FRK: variants seen among roughly 807,000 people sequenced by gnomAD.
The protein encoded by FRK is fyn related Src family tyrosine kinase.
FRK carries 51 observed loss-of-function variants against 56.4 expected under a neutral mutation model. That is an observed-to-expected ratio of 0.90 (90% CI 0.72 to 1.14). The LOEUF (loss-of-function observed/expected upper bound fraction) is 1.14. Ranked by LOEUF, FRK falls within the 50% of genes most tolerant of loss-of-function variation. The pLI is 0.00. For missense variants in FRK, 570 were observed against 601.4 expected, an observed-to-expected ratio of 0.95 and a Z score of 0.55; for synonymous variants, 245 against 217.9, an observed-to-expected ratio of 1.12 and a Z score of -1.10.
intron 2 of FRK, among the ~76,000 whole-genome samples, chr6:116,000,727 C>T (rs2114687152): frequency 6.6e-6 from 1 of 152,174 alleles, no homozygotes; most frequent in Admixed American, 6.5e-5. Context: ...GATTTTTCTT[C>T]CTCTGAATAT....
chr6:116,064,262 G>A (rs1443566275), upstream of FRK, among the ~76,000 whole-genome samples: 1 of 152,122 alleles, frequency 6.6e-6, no homozygotes, highest in African/African-American at 2.4e-5. Context: ...ATAGATGAAA[G>A]GCCTCTATGC....
At chr6:116,028,639 C>A (rs1252126734) in intron 1 of FRK, among the ~76,000 whole-genome samples, 1 of 152,138 alleles carries the variant, frequency 6.6e-6, no homozygotes, top group East Asian at 1.9e-4. Flanking sequence ...ATCTCTGCCT[C>A]ACATTCACAT....
At chr6:116,047,968 G>A (rs934012397) in intron 1 of FRK, among the ~76,000 whole-genome samples, 4 of 152,190 alleles carry the variant, frequency 2.6e-5, no homozygotes, top group Non-Finnish European at 5.9e-5. Flanking sequence ...CAAAAAGATG[G>A]GACAGTTACT....
intron 1 of FRK, chr6:116,038,805 G>T (rs753218647): frequency 6.0e-6 from 3 of 502,568 alleles, no homozygotes; most frequent in Admixed American, 2.4e-5. Flanking sequence ...ATGAACCGAC[G>T]GAAGAAGAGC....
intron 2 of FRK, among the ~76,000 whole-genome samples, chr6:115,994,681 T>G (rs1774767746): frequency 6.6e-6 from 1 of 152,230 alleles, no homozygotes; most frequent in Non-Finnish European, 1.5e-5. Context: ...AATCTCAATG[T>G]GATGGTGTTT....
the FRK span, among the ~76,000 whole-genome samples, chr6:116,097,380 AG>A: frequency 2.0e-4 from 31 of 152,214 alleles, no homozygotes; most frequent in African/African-American, 7.5e-4. Context: ...TTATACAAAA[AG>A]TTGAACATAC....
At chr6:116,067,202 C>T in the FRK span, among the ~76,000 whole-genome samples, 1 of 152,054 alleles carries the variant, frequency 6.6e-6, no homozygotes, top group Non-Finnish European at 1.5e-5. Context: ...CAGCAAACAC[C>T]AGCAGCTAAA....
At chr6:116,058,504 A>T (rs910823017) in intron 1 of FRK, among the ~76,000 whole-genome samples, 1 of 152,214 alleles carries the variant, frequency 6.6e-6, no homozygotes, top group Non-Finnish European at 1.5e-5. Context: ...GCTATTTATT[A>T]TTATCTTATT....
chr6:115,958,908 T>C (rs1053413091), intron 4 of FRK, among the ~76,000 whole-genome samples: 5 of 152,118 alleles, frequency 3.3e-5, no homozygotes, highest in African/African-American at 1.2e-4. Context: ...GTTGTGTGGC[T>C]ATCAGATTCA....
At chr6:115,961,341 G>C (rs1361368055) in intron 4 of FRK, among the ~76,000 whole-genome samples, 7 of 116,108 alleles carry the variant, frequency 6.0e-5, no homozygotes, top group African/African-American at 2.3e-4. Flanking sequence ...GGGAAGTTTA[G>C]AGAAAAAAGA....
At chr6:116,032,964 AG>A (rs1367883880) in intron 1 of FRK, among the ~76,000 whole-genome samples, 2 of 152,142 alleles carry the variant, frequency 1.3e-5, no homozygotes, top group Non-Finnish European at 2.9e-5. Flanking sequence ...AATGCAATCA[AG>A]GGTTGTGAAA....
intron 2 of FRK, among the ~76,000 whole-genome samples, chr6:115,979,925 C>T (rs1774133857): frequency 6.6e-6 from 1 of 152,052 alleles, no homozygotes; most frequent in African/African-American, 2.4e-5. Flanking sequence ...ACAATGGACT[C>T]ACCTAATGGC....
chr6:115,971,377 T>C (rs934772802), intron 2 of FRK, among the ~76,000 whole-genome samples: 8 of 152,152 alleles, frequency 5.3e-5, no homozygotes, highest in Non-Finnish European at 1.0e-4. Context: ...ACTTGCACTA[T>C]AGGAGTATTT....
At chr6:116,055,656 T>G (rs1489037207) in intron 1 of FRK, among the ~76,000 whole-genome samples, 1 of 152,196 alleles carries the variant, frequency 6.6e-6, no homozygotes, top group African/African-American at 2.4e-5. Context: ...TTTCTTAACA[T>G]AAAGCCAAAT....
intron 1 of FRK, among the ~76,000 whole-genome samples, chr6:116,056,271 G>A (rs1239885879): frequency 1.3e-5 from 2 of 150,132 alleles, no homozygotes; most frequent in Non-Finnish European, 2.9e-5. Flanking sequence ...CTGGAGTGCA[G>A]TGGCACAACC....
the FRK span, among the ~76,000 whole-genome samples, chr6:116,099,444 C>T: frequency 6.6e-6 from 1 of 152,220 alleles, no homozygotes; most frequent in Non-Finnish European, 1.5e-5. Context: ...GAGGAGAATG[C>T]CAAGGTCAAT....
upstream of FRK, among the ~76,000 whole-genome samples, chr6:116,060,948 A>T (rs943890257): frequency 1.3e-5 from 2 of 152,110 alleles, no homozygotes; most frequent in African/African-American, 4.8e-5. Flanking sequence ...TGGTATTCTG[A>T]CCTCTTTACC....
chr6:116,088,972 C>T, the FRK span, among the ~76,000 whole-genome samples: 1 of 152,006 alleles, frequency 6.6e-6, no homozygotes, highest in Non-Finnish European at 1.5e-5. Flanking sequence ...ATTTGGCATA[C>T]CCTTAAATAA....
intron 2 of FRK, among the ~76,000 whole-genome samples, chr6:115,983,849 C>T (rs1180732182): frequency 6.6e-6 from 1 of 152,104 alleles, no homozygotes; most frequent in Non-Finnish European, 1.5e-5. Context: ...GCAAATCTGA[C>T]CTTGTTACTG....
Sources: allele counts gnomAD v4.1 joint callset (sites outside exome capture counted in the v4.1 genomes callset), GRCh38; gene constraint gnomAD v4.1.1; transcripts MANE v1.5; gene names NCBI Gene and HGNC (gene_info 2026-07-23, HGNC 2026-07-21).